PCCB: variants seen among roughly 807,000 people sequenced by gnomAD.
PCCB encodes the protein propionyl-CoA carboxylase subunit beta, also known as propionyl-CoA carboxylase beta chain, mitochondrial.
PCCB carries 43 observed loss-of-function variants against 60.7 expected under a neutral mutation model. The observed-to-expected ratio is 0.71, with a 90% CI of 0.55 to 0.91. The LOEUF is 0.91. Among genes scored for constraint, PCCB ranks in the 40% least tolerant of loss-of-function variants. The pLI, the probability that PCCB is intolerant of heterozygous loss-of-function variation, is 0.00. For missense variants in PCCB, 766 were observed against 702.8 expected (o/e 1.09, Z -1.02); for synonymous variants, 276 against 255.9 (o/e 1.08, Z -0.75).
intron 5 of PCCB, among the ~76,000 whole-genome samples, chr3:136,279,486 T>A (rs1206133055): frequency 6.6e-6 from 1 of 152,122 alleles, no homozygotes; most frequent in African/African-American, 2.4e-5. Context: ...GGATTATAAT[T>A]AATATCTTGA....
chr3:136,275,773 T>C (rs1481332989), intron 5 of PCCB, among the ~76,000 whole-genome samples: 1 of 152,104 alleles, frequency 6.6e-6, no homozygotes, highest in Non-Finnish European at 1.5e-5. Context: ...TATTTATTTA[T>C]TTATTTATTT....
chr3:136,264,570 T>C (rs1941926885), intron 5 of PCCB, among the ~76,000 whole-genome samples: 1 of 151,638 alleles, frequency 6.6e-6, no homozygotes, highest in Non-Finnish European at 1.5e-5. Flanking sequence ...TCCATGATCT[T>C]GATATTTTAA....
chr3:136,273,913 A>C (rs1576318730), intron 5 of PCCB, among the ~76,000 whole-genome samples: 1 of 17,382 alleles, frequency 5.8e-5, no homozygotes, highest in Non-Finnish European at 1.2e-4. Context: ...CTCTGTCTCA[A>C]AAAAAAAAAA....
At chr3:136,274,348 T>C (rs192579406) in intron 5 of PCCB, among the ~76,000 whole-genome samples, 1 of 152,308 alleles carries the variant, frequency 6.6e-6, no homozygotes, top group Non-Finnish European at 1.5e-5. Context: ...TTTGTTTATC[T>C]GAAAATGGCT....
At chr3:136,274,375 T>C (rs1331585462) in intron 5 of PCCB, among the ~76,000 whole-genome samples, 1 of 152,188 alleles carries the variant, frequency 6.6e-6, no homozygotes, top group African/African-American at 2.4e-5. Context: ...CTCCTTCATT[T>C]AGGAAACTTA....
intron 6 of PCCB, among the ~76,000 whole-genome samples, chr3:136,293,424 T>C (rs753691466): frequency 6.6e-6 from 1 of 152,216 alleles, no homozygotes; most frequent in South Asian, 2.1e-4. Context: ...TGACACAGTT[T>C]TGTGAAGTGC....
At chr3:136,316,698 T>C (rs1934908842) in intron 9 of PCCB, among the ~76,000 whole-genome samples, 1 of 152,124 alleles carries the variant, frequency 6.6e-6, no homozygotes, top group South Asian at 2.1e-4. Flanking sequence ...ATAGGACTTT[T>C]AAAACAAACT....
At chr3:136,316,503 A>G (rs1934901032) in intron 9 of PCCB, among the ~76,000 whole-genome samples, 1 of 151,784 alleles carries the variant, frequency 6.6e-6, no homozygotes, top group South Asian at 2.1e-4. Context: ...TTTAGTAGAG[A>G]TGGGGTTTCG....
intron 6 of PCCB, among the ~76,000 whole-genome samples, chr3:136,286,345 C>T (rs918028761): frequency 3.3e-5 from 5 of 152,140 alleles, no homozygotes; most frequent in African/African-American, 7.2e-5. Context: ...AATACTGATC[C>T]GTATGCTGAC....
At chr3:136,280,643 G>A (rs941457736) in intron 5 of PCCB, among the ~76,000 whole-genome samples, 3 of 152,208 alleles carry the variant, frequency 2.0e-5, no homozygotes, top group Admixed American at 2.0e-4. Context: ...ATTGTGCCCA[G>A]CCTTCTTTCA....
At chr3:136,294,645 C>G (rs1933853089) in intron 7 of PCCB, among the ~76,000 whole-genome samples, 1 of 150,854 alleles carries the variant, frequency 6.6e-6, no homozygotes, top group Admixed American at 6.6e-5. Context: ...GGGTCTCATG[C>G]TATTGCCCAG....
intron 9 of PCCB, among the ~76,000 whole-genome samples, chr3:136,313,800 T>C (rs1298300541): frequency 6.6e-6 from 1 of 152,208 alleles, no homozygotes; most frequent in Non-Finnish European, 1.5e-5. Context: ...GTCTGTTTTT[T>C]GTAGCTAAGT....
At chr3:136,301,513 C>G (rs1346427580) in intron 9 of PCCB, among the ~76,000 whole-genome samples, 1 of 151,872 alleles carries the variant, frequency 6.6e-6, no homozygotes, top group Non-Finnish European at 1.5e-5. Flanking sequence ...ACAGGGCATC[C>G]TAGAAGGTTG....
chr3:136,273,421 G>T (rs942413356), intron 5 of PCCB, among the ~76,000 whole-genome samples: 1 of 151,922 alleles, frequency 6.6e-6, no homozygotes. Flanking sequence ...GAGTATCGAG[G>T]TCCCCCATTT....
At chr3:136,326,632 C>A (rs1354423033) in intron 10 of PCCB, among the ~76,000 whole-genome samples, 171 bp from the exon 11 acceptor site, 3 of 152,196 alleles carry the variant, frequency 2.0e-5, no homozygotes, top group African/African-American at 7.2e-5. Flanking sequence ...GTGGATTCTT[C>A]ATCTTCCCTG....
intron 10 of PCCB, among the ~76,000 whole-genome samples, chr3:136,320,012 G>C (rs918269436): frequency 6.6e-6 from 1 of 152,150 alleles, no homozygotes; most frequent in Non-Finnish European, 1.5e-5. Context: ...CAGGCTGTGG[G>C]TGTATGAATT....
At position 136,305,546 on chromosome 3, in the gene PCCB, C is replaced by G. The variant is rs1275121813; in HGVS notation, c.966+4435C>G. ...GGTGGATCACTTGAGGTCAGGAGTT[C>G]GAGACCAGCTTGACCAACACGGTGA... On this transcript the variant is annotated intron_variant, in intron 9 of 14. Coordinates refer to ENST00000251654, the MANE Select transcript of PCCB (RefSeq NM_000532.5). Among the ~76,000 whole-genome samples the G allele has an allele frequency of 3.4e-5, 4 of 117,630 alleles. 2 individuals carry two copies. In the East Asian group the frequency reaches 2.7e-3, roughly 79 times the overall value. 77.2% of individuals were successfully genotyped at this position (117,630 alleles called of 152,430 possible). A position where few individuals can be genotyped will look rare whatever the true frequency, so the allele number is the denominator to read the frequency against.
chr3:136,328,940 G>A, intron 14 of PCCB, 83 bp downstream of exon 14: 5 of 1,114,916 alleles, frequency 4.5e-6, no homozygotes, highest in Non-Finnish European at 6.8e-6. Flanking sequence ...TCACATAACT[G>A]CCTTTTTGCC....
chr3:136,311,019 G>A (rs186712941), intron 9 of PCCB, among the ~76,000 whole-genome samples: 469 of 152,192 alleles, frequency 3.1e-3, no homozygotes, highest in Middle Eastern at 0.017. Context: ...AACAAGTATA[G>A]GATGCCCATT....
Sources: allele counts gnomAD v4.1 joint callset (sites outside exome capture counted in the v4.1 genomes callset), GRCh38; gene constraint gnomAD v4.1.1; transcripts MANE v1.5; gene names NCBI Gene and HGNC (gene_info 2026-07-23, HGNC 2026-07-21).